Variants in DNAI4 observed in about 807,000 individuals in gnomAD.
The protein encoded by DNAI4 is WD repeat domain 78.
DNAI4 carries 85 observed loss-of-function variants against 105.8 expected under a neutral mutation model. The ratio of observed to expected loss-of-function variants is 0.80; its 90% CI spans 0.67 to 0.96. DNAI4 has a LOEUF of 0.96. Ranked by LOEUF, DNAI4 falls within the 40% of genes least tolerant of loss-of-function variation. The pLI is 0.00. For synonymous variants in DNAI4, 352 were observed against 331.5 expected, an observed-to-expected ratio of 1.06 and a Z score of -0.67; for missense variants, 1,014 against 1,005.6, an observed-to-expected ratio of 1.01 and a Z score of -0.11.
At chr1:66,871,754 C>T (rs754950898) in intron 5 of DNAI4, among the ~76,000 whole-genome samples, 2 of 152,198 alleles carry the variant, frequency 1.3e-5, no homozygotes, top group Non-Finnish European at 2.9e-5. Context: ...CATGCTAGTA[C>T]TAACTCCATG....
At chr1:66,816,111 C>G (rs1485918014) in intron 16 of DNAI4, among the ~76,000 whole-genome samples, 1 of 151,962 alleles carries the variant, frequency 6.6e-6, no homozygotes, top group Non-Finnish European at 1.5e-5. Flanking sequence ...GGTTTATGAC[C>G]AGCCCGGGCA....
intron 1 of DNAI4, among the ~76,000 whole-genome samples, chr1:66,908,736 T>C (rs946946654): frequency 6.6e-6 from 1 of 152,244 alleles, no homozygotes; most frequent in Non-Finnish European, 1.5e-5. Context: ...CTTTAAATTA[T>C]GGGTCATTAA....
chr1:66,893,911 TCA>T (rs1007146545), intron 2 of DNAI4, among the ~76,000 whole-genome samples: 1 of 152,194 alleles, frequency 6.6e-6, no homozygotes, highest in Non-Finnish European at 1.5e-5. Context: ...CCTAGTGACA[TCA>T]CAGTCATCAT....
rs988265177 is a variant in DNAI4 at position 66,831,415 on chromosome 1, C to T, written c.2013+2170G>A. On this transcript the variant is annotated intron_variant, in intron 13 of 16. Transcript: ENST00000371026. Reference sequence around the variant, plus strand: ...AAAATTTCAGTATATCAAATGTATTCGTATATTAAAAGGGTAGTAAACAAC... The same window carrying T: ...AAAATTTCAGTATATCAAATGTATTTGTATATTAAAAGGGTAGTAAACAAC... Among the ~76,000 whole-genome samples the T allele has an allele frequency of 3.9e-5, 6 of 151,982 alleles. No homozygotes were observed. The East Asian group carries it at 1.2e-3, about 29-fold the overall frequency.
intron 7 of DNAI4, among the ~76,000 whole-genome samples, chr1:66,854,732 A>G (rs1646465609): frequency 1.3e-5 from 2 of 152,166 alleles, no homozygotes; most frequent in African/African-American, 4.8e-5. Flanking sequence ...ACCCGGGAGG[A>G]GGCAGAGATT....
chr1:66,920,006 C>T lies in DNAI4; in HGVS notation c.170+4656G>A, dbSNP rs191756039. On this transcript the variant is annotated intron_variant, in intron 1 of 16. Transcript: ENST00000371026. ...AGGCAGGTCCCTGGCGAGGGCCCCA[C>T]CCTCAAGCCTGGAATCATGGCCCAA... 2.0e-5 allele frequency among the ~76,000 whole-genome samples: 3 copies of T among 152,318 alleles called. No individual in the cohort carries two copies. The East Asian group carries it at 5.8e-4, about 29-fold the overall frequency.
At chr1:66,885,683 C>T (rs1647180799) in intron 4 of DNAI4, among the ~76,000 whole-genome samples, 1 of 151,826 alleles carries the variant, frequency 6.6e-6, no homozygotes, top group Non-Finnish European at 1.5e-5. Context: ...ATGGCAAAAA[C>T]CTGTCTGTAC....
intron 6 of DNAI4, among the ~76,000 whole-genome samples, chr1:66,867,551 G>T: frequency 6.6e-6 from 1 of 150,546 alleles, no homozygotes; most frequent in Non-Finnish European, 1.5e-5. Flanking sequence ...TTTATTCTTT[G>T]GATTTTTTTT....
intron 13 of DNAI4, among the ~76,000 whole-genome samples, chr1:66,832,203 GT>G (rs1443511564): frequency 6.6e-6 from 1 of 152,220 alleles, no homozygotes; most frequent in Non-Finnish European, 1.5e-5. Context: ...AATGAAGGAA[GT>G]TAGAAGATGG....
intron 5 of DNAI4, among the ~76,000 whole-genome samples, chr1:66,872,928 G>C (rs767016283): frequency 4.6e-5 from 7 of 151,494 alleles, no homozygotes; most frequent in Non-Finnish European, 1.5e-5. Context: ...GGCCAGGCTG[G>C]TCTCAAACTC....
chr1:66,851,648 C>T (rs1405133491), intron 7 of DNAI4, among the ~76,000 whole-genome samples: 2 of 151,724 alleles, frequency 1.3e-5, no homozygotes, highest in African/African-American at 2.4e-5. Flanking sequence ...GATCTCCAAA[C>T]ACTTAGAATC....
At chr1:66,867,330 C>A (rs554076441) in intron 6 of DNAI4, among the ~76,000 whole-genome samples, 26 of 152,296 alleles carry the variant, frequency 1.7e-4, no homozygotes, top group Admixed American at 2.6e-4. Flanking sequence ...AATCTTCCAA[C>A]TTTTGACTTT....
At chr1:66,881,875 G>C (rs1647079017) in intron 4 of DNAI4, among the ~76,000 whole-genome samples, 1 of 152,214 alleles carries the variant, frequency 6.6e-6, no homozygotes, top group Non-Finnish European at 1.5e-5. Context: ...CATGTCATGA[G>C]AGGAACCCAG....
chr1:66,858,581 T>C (rs943966950), intron 7 of DNAI4, among the ~76,000 whole-genome samples: 1 of 126,124 alleles, frequency 7.9e-6, no homozygotes, highest in African/African-American at 3.1e-5. Flanking sequence ...TATTAGCAAA[T>C]AGAATCCACC....
intron 9 of DNAI4, among the ~76,000 whole-genome samples, chr1:66,839,235 C>G (rs1646095425): frequency 6.6e-6 from 1 of 152,024 alleles, no homozygotes; most frequent in Non-Finnish European, 1.5e-5. Context: ...AGTCCAAGAC[C>G]AGCCTTGGCA....
chr1:66,877,732 C>T (rs780873863), intron 4 of DNAI4, among the ~76,000 whole-genome samples: 12 of 152,126 alleles, frequency 7.9e-5, no homozygotes, highest in Admixed American at 2.0e-4. Context: ...TGTCTCCTTA[C>T]GGCTCTCTAC....
chr1:66,870,332 C>T (rs1646815106), intron 6 of DNAI4, among the ~76,000 whole-genome samples: 1 of 151,750 alleles, frequency 6.6e-6, no homozygotes. Context: ...ATCCCAGCTA[C>T]TCGGGAGGCT....
chr1:66,910,968 G>A lies in DNAI4; in HGVS notation c.171-5593C>T, dbSNP rs1032565325. On this transcript the variant is annotated intron_variant, in intron 1 of 16. Transcript: ENST00000371026. ...ACACACCAACTAAACAATCAGTTCC[G>A]CAGTGGATACCATCTGGTTGTCCTC... Among the ~76,000 whole-genome samples the A allele has an allele frequency of 3.9e-5, 6 of 152,152 alleles. No individual in the cohort carries two copies. The East Asian group carries it at 5.8e-4, about 15-fold the overall frequency.
intron 6 of DNAI4, among the ~76,000 whole-genome samples, chr1:66,869,073 A>AAAATAAATAAATAAAT (rs547848121): frequency 0.016 from 2,419 of 148,692 alleles, 61 homozygotes; most frequent in African/African-American, 0.058. Flanking sequence ...ACTCTGTCTC[A>AAAATAAATAAATAAAT]AAATAAATAA....
Sources: gnomAD v4.1 joint callset for allele counts (sites outside exome capture counted in the v4.1 genomes callset) on GRCh38, gnomAD v4.1.1 for gene constraint, MANE v1.5 for transcripts, NCBI Gene and HGNC (gene_info 2026-07-23, HGNC 2026-07-21) for gene names.